Variants in RPL5 observed in about 807,000 individuals in gnomAD.
RPL5 encodes large ribosomal subunit protein uL18.
In RPL5, 1 loss-of-function variant was observed where a neutral mutation model predicts 38.4. That is an observed-to-expected ratio of 0.03 (90% CI 0.01 to 0.12). The LOEUF is 0.12. Ranked by LOEUF, RPL5 falls within the 10% of genes least tolerant of loss-of-function variation. The probability of loss-of-function intolerance (pLI) is 1.00; values close to 1 mark genes in which losing one functional copy is unlikely to be tolerated. For synonymous variants in RPL5, 109 were observed against 121.2 expected (o/e 0.90, Z 0.66); for missense variants, 243 against 374.1 (o/e 0.65, Z 2.89).
chr1:92,835,050 A>G, intron 4 of RPL5, 137 bp downstream of exon 4: 2 of 1,236,988 alleles, frequency 1.6e-6, no homozygotes, highest in Non-Finnish European at 2.3e-6. Flanking sequence ...CTGCTTTGTT[A>G]ATGGATCTAT....
At chr1:92,837,113 C>T (rs953959294) in intron 5 of RPL5, 3 of 374,690 alleles carry the variant, frequency 8.0e-6, no homozygotes, top group Non-Finnish European at 1.5e-5. Context: ...TTGGACAAAT[C>T]ACTTATTCCC....
chr1:92,840,692 C>T (rs1242042367), intron 7 of RPL5, 53 bp downstream of exon 7: 1 of 1,275,756 alleles, frequency 7.8e-7, no homozygotes, highest in Non-Finnish European at 1.1e-6. Context: ...GAATGGTTCC[C>T]ACGTGGGGCA....
At position 92,833,634 on chromosome 1, in the gene RPL5, G is replaced by A; in HGVS notation, c.163G>A (p.Val55Met). The change falls in exon 3 of 8, where the codon GTG (valine) becomes ATG (methionine). Residue 55 changes from valine (V) to methionine (M), a missense_variant. By Grantham distance (21) the Val-to-Met change is conservative (BLOSUM62 1). Transcript: ENST00000370321. ...ACCCAAATACAGGATGATAGTTCGT[G>A]TGACAAACAGAGATATCATTTGTCA... ...NTPKYRMIVRVTNRDIICQIA... is the reference protein window; with the variant it reads ...NTPKYRMIVRMTNRDIICQIA... 6.2e-7 allele frequency: 1 copy of A among 1,611,886 alleles called. No homozygotes were observed. Among genetic ancestry groups the A allele is most frequent in the Non-Finnish European group, 8.5e-7 (1 of 1,179,714 alleles).
intron 1 of RPL5, 157 bp from the exon 2 acceptor site, chr1:92,833,232 T>A: frequency 1.5e-6 from 1 of 671,296 alleles, no homozygotes; most frequent in Non-Finnish European, 2.7e-6. Context: ...GGAAAAAGAT[T>A]CTTGACCCTA....
Position 92,841,683 on chromosome 1 carries a change from AT to A in RPL5, c.795-81del, listed in dbSNP as rs1388612013. The stretch of plus-strand genomic sequence containing the variant: ...AAAGTCTTAAATATTCTCTATCAAA[AT>A]TAAATTTTATTAAAATTTTAAATTA... On this transcript the variant is annotated intron_variant, in intron 7 of 7. Coordinates refer to ENST00000370321, the MANE Select transcript of RPL5 (RefSeq NM_000969.5). 5 of 853,200 alleles carry A rather than the reference AT, an allele frequency of 5.9e-6. No individual in the cohort carries two copies. In the Admixed American group the frequency reaches 1.2e-4, roughly 21 times the overall value. The allele number at this position is 853,200 out of a possible 1,614,324, so 52.9% of individuals were successfully genotyped here. A position where few individuals can be genotyped will look rare whatever the true frequency, so the allele number is the denominator to read the frequency against.
intron 6 of RPL5, among the ~76,000 whole-genome samples, chr1:92,839,376 C>G (rs949956877): frequency 2.0e-5 from 3 of 152,054 alleles, no homozygotes; most frequent in Admixed American, 2.0e-4. Flanking sequence ...AAAAAATTGC[C>G]CAATAAAATA....
intron 1 of RPL5, 128 bp from the exon 2 acceptor site, chr1:92,833,261 G>A (rs527873575): frequency 1.3e-6 from 1 of 773,352 alleles, no homozygotes; most frequent in East Asian, 2.7e-5. Flanking sequence ...TGAAACCTGG[G>A]ATTCTACAAG....
At chr1:92,841,721 C>G (rs758657195) in intron 7 of RPL5, 45 bp from the exon 8 acceptor site, 1 of 1,230,318 alleles carries the variant, frequency 8.1e-7, no homozygotes, top group Non-Finnish European at 1.2e-6. Context: ...ATATTCTATT[C>G]TCTTCAGTTA....
Position 92,837,482 on chromosome 1 carries a change from C to T in RPL5, c.554C>T (p.Ser185Phe), listed in dbSNP as rs1687175275. 1 of 1,613,134 alleles carries T rather than the reference C, an allele frequency of 6.2e-7. No individual in the cohort carries two copies. The highest frequency in any genetic ancestry group is 8.5e-7 in the Non-Finnish European group (1 of 1,179,930). Reference protein sequence around the residue: ...HSTKRFPGYDSESKEFNAEVH... With the variant: ...HSTKRFPGYDFESKEFNAEVH... ...ACCAAACGATTCCCTGGTTATGATT[C>T]TGAAAGCAAGGAATTTAATGCAGAA... The change falls in exon 6 of 8, where the codon TCT becomes TTT. Residue 185 changes from serine to phenylalanine, a missense_variant. Coordinates refer to ENST00000370321, the MANE Select transcript of RPL5 (RefSeq NM_000969.5).
At chr1:92,835,022 G>A in intron 4 of RPL5, 109 bp downstream of exon 4, 1 of 1,501,836 alleles carries the variant, frequency 6.7e-7, no homozygotes, top group Middle Eastern at 1.7e-4. Flanking sequence ...CTTCAGGAGA[G>A]TGCTTGCTTC....
At chr1:92,836,537 A>T in intron 5 of RPL5, 145 bp downstream of exon 5, 1 of 732,086 alleles carries the variant, frequency 1.4e-6, no homozygotes, top group Non-Finnish European at 2.4e-6. Context: ...GGAACCTAGT[A>T]GGGCAGGAAG....
At chr1:92,838,297 G>GT (rs541314497) in intron 6 of RPL5, among the ~76,000 whole-genome samples, 305 of 152,292 alleles carry the variant, frequency 2.0e-3, no homozygotes, top group African/African-American at 6.4e-3. Flanking sequence ...AAAAGGAGTA[G>GT]TTTTTTATCA....
At chr1:92,835,292 C>G (rs961310653) in intron 4 of RPL5, 1 of 328,870 alleles carries the variant, frequency 3.0e-6, no homozygotes, top group Non-Finnish European at 5.9e-6. Context: ...CGTGGGAACT[C>G]CACTCTAGAC....
chr1:92,838,609 A>G (rs1487318953), intron 6 of RPL5, among the ~76,000 whole-genome samples: 1 of 152,184 alleles, frequency 6.6e-6, no homozygotes, highest in Non-Finnish European at 1.5e-5. Flanking sequence ...AGTGGCCTCT[A>G]TCCTCCTGTG....
intron 6 of RPL5, among the ~76,000 whole-genome samples, chr1:92,839,284 T>TGGAG (rs1687257635): frequency 6.6e-6 from 1 of 152,212 alleles, no homozygotes; most frequent in Admixed American, 6.5e-5. Flanking sequence ...GCTTGAACCC[T>TGGAG]GGAGGTGGAG....
Position 92,832,106 on chromosome 1 carries a change from T to C in RPL5, c.-9T>C. ...GTCGAGCAGCGGACGCCGGTCTCTG[T>C]TCCGCAGGATGGTGAGTGGATGCCT... On this transcript the variant is annotated 5_prime_UTR_variant, in exon 1 of 8. Transcript: ENST00000370321. 2 of 1,614,158 alleles carry C rather than the reference T, an allele frequency of 1.2e-6. No homozygotes were observed. The highest frequency in any genetic ancestry group is 2.2e-5 in the East Asian group (1 of 44,876).
rs1358595009 is a variant in RPL5 at position 92,837,604 on chromosome 1, T to C, written c.676T>C (p.Tyr226His). 6.2e-7 allele frequency: 1 copy of C among 1,612,154 alleles called. No homozygotes were observed. Among genetic ancestry groups the C allele is most frequent in the Non-Finnish European group, 8.5e-7 (1 of 1,179,768 alleles). Residue 226 changes from tyrosine to histidine, a missense_variant, in exon 6 of 8, where the codon TAC becomes CAC. By Grantham distance (83) the Tyr-to-His change is moderately conservative. Coordinates refer to ENST00000370321, the MANE Select transcript of RPL5 (RefSeq NM_000969.5). Reference protein sequence around the residue: ...EDAYKKQFSQYIKNSVTPDMM... With the variant: ...EDAYKKQFSQHIKNSVTPDMM... ...TGCTTACAAGAAACAGTTCTCTCAA[T>C]ACATAAAGAACAGCGTAACTCCAGA...
intron 7 of RPL5, 23 bp from the exon 8 acceptor site, chr1:92,841,743 A>G (rs1301429900): frequency 1.3e-6 from 2 of 1,519,352 alleles, no homozygotes; most frequent in Admixed American, 3.4e-5. Flanking sequence ...AGTTTAAAAA[A>G]TATATATTCC....
At position 92,832,654 on chromosome 1, in the gene RPL5, G is replaced by A. The variant is rs1159154525; in HGVS notation, c.3+537G>A. 1.5e-5 allele frequency: 5 copies of A among 324,942 alleles called. 1 individual carries two copies. Among genetic ancestry groups the A allele is most frequent in the South Asian group, 1.4e-4 (3 of 21,260 alleles). 20.1% of individuals were successfully genotyped at this position (324,942 alleles called of 1,614,324 possible). The stretch of plus-strand genomic sequence containing the variant: ...GTCAGTGGAGCTTGGAGGCCGAGGG[G>A]TCCCTGGGCCCCGGAAGCTCCTTTA... On this transcript the variant is annotated intron_variant, in intron 1 of 7. Transcript: ENST00000370321.
Sources: gnomAD v4.1 joint callset for allele counts (sites outside exome capture counted in the v4.1 genomes callset) on GRCh38, gnomAD v4.1.1 for gene constraint, MANE v1.5 for transcripts, NCBI Gene and HGNC (gene_info 2026-07-23, HGNC 2026-07-21) for gene names.